KLHL1: variants seen among roughly 807,000 people sequenced by gnomAD.
The protein encoded by KLHL1 is kelch-like protein 1.
In KLHL1, 47 loss-of-function variants were observed where a neutral mutation model predicts 77.7. That is an observed-to-expected ratio of 0.60 (90% CI 0.48 to 0.77). KLHL1 has a LOEUF of 0.77. Ranked by LOEUF, KLHL1 falls within the 30% of genes least tolerant of loss-of-function variation. The pLI, the probability that KLHL1 is intolerant of heterozygous loss-of-function variation, is 0.00. For synonymous variants in KLHL1, 360 were observed against 325.2 expected, an observed-to-expected ratio of 1.11 and a Z score of -1.15; for missense variants, 925 against 910.8, an observed-to-expected ratio of 1.02 and a Z score of -0.20.
intron 4 of KLHL1, among the ~76,000 whole-genome samples, chr13:69,885,130 C>T (rs1359339743): frequency 1.4e-5 from 2 of 138,232 alleles, no homozygotes; most frequent in African/African-American, 3.1e-5. Context: ...TTAGTAGAGA[C>T]GGGGTTTCAC....
At chr13:69,727,501 G>A (rs891451279) in intron 8 of KLHL1, among the ~76,000 whole-genome samples, 6 of 152,070 alleles carry the variant, frequency 3.9e-5, no homozygotes, top group African/African-American at 1.4e-4. Context: ...GTAGGTTCAG[G>A]GAGCTGGAAT....
At chr13:70,063,380 T>G (rs1886935564) in intron 1 of KLHL1, among the ~76,000 whole-genome samples, 1 of 152,174 alleles carries the variant, frequency 6.6e-6, no homozygotes, top group Non-Finnish European at 1.5e-5. Context: ...CAATTACAGC[T>G]TTTACAGATT....
chr13:69,872,812 T>G (rs1417081728), intron 5 of KLHL1, among the ~76,000 whole-genome samples: 3 of 152,174 alleles, frequency 2.0e-5, no homozygotes, highest in African/African-American at 7.2e-5. Flanking sequence ...CTTGTGTAAC[T>G]AATAGAGTGG....
chr13:69,910,027 C>A (rs1882184075), intron 4 of KLHL1, among the ~76,000 whole-genome samples: 1 of 151,956 alleles, frequency 6.6e-6, no homozygotes, highest in African/African-American at 2.4e-5. Flanking sequence ...TTGTCATATT[C>A]CACTTCGCTA....
intron 1 of KLHL1, among the ~76,000 whole-genome samples, chr13:70,012,856 T>C (rs1885570045): frequency 1.3e-5 from 2 of 151,400 alleles, no homozygotes; most frequent in African/African-American, 4.9e-5. Flanking sequence ...TGAGGTGAGA[T>C]CTCGCCCCTG....
In KLHL1 at chr13:69,796,881, A is replaced by G; in HGVS notation, c.1496T>C (p.Phe499Ser). Residue 499 changes from phenylalanine (F) to serine (S), a missense_variant, in exon 7 of 11, where the codon TTT (phenylalanine) becomes TCT (serine). Coordinates refer to ENST00000377844, the MANE Select transcript of KLHL1 (RefSeq NM_020866.3). ...TTTGTCATCAATAACAGCCACACCA[A>G]ACTGCAGCCTTCTGCCATTCATCAT... ...AGMMNGRRLQFGVAVIDDKLF... is the reference protein window; with the variant it reads ...AGMMNGRRLQSGVAVIDDKLF... 1 of 1,614,120 alleles carries G rather than the reference A, an allele frequency of 6.2e-7. No individual in the cohort carries two copies.
chr13:70,092,362 T>C (rs1887689067), intron 1 of KLHL1, among the ~76,000 whole-genome samples: 1 of 152,178 alleles, frequency 6.6e-6, no homozygotes, highest in African/African-American at 2.4e-5. Flanking sequence ...TTGTTCATGT[T>C]GCTTACTCCA....
chr13:69,979,759 A>T (rs1258632020), intron 1 of KLHL1, among the ~76,000 whole-genome samples: 1 of 152,190 alleles, frequency 6.6e-6, no homozygotes, highest in African/African-American at 2.4e-5. Context: ...AAAGTACAAT[A>T]TGACTTTTTA....
At chr13:70,009,652 G>A (rs1044508129) in intron 1 of KLHL1, among the ~76,000 whole-genome samples, 2 of 152,142 alleles carry the variant, frequency 1.3e-5, no homozygotes, top group African/African-American at 2.4e-5. Context: ...ATATGTAAAT[G>A]TGGTCAAGAC....
chr13:69,790,718 A>G (rs896755288), intron 7 of KLHL1, among the ~76,000 whole-genome samples: 6 of 152,196 alleles, frequency 3.9e-5, no homozygotes, highest in Non-Finnish European at 8.8e-5. Context: ...TTCAATAGAT[A>G]CAGGAAAATC....
intron 6 of KLHL1, among the ~76,000 whole-genome samples, chr13:69,810,427 C>G (rs1273675168): frequency 1.3e-5 from 2 of 151,652 alleles, no homozygotes; most frequent in Non-Finnish European, 2.9e-5. Flanking sequence ...AACAACTTGC[C>G]CCTGAATGAC....
intron 5 of KLHL1, among the ~76,000 whole-genome samples, chr13:69,880,510 G>T (rs952899453): frequency 5.9e-5 from 9 of 152,032 alleles, no homozygotes; most frequent in African/African-American, 1.4e-4. Flanking sequence ...GACATCAAAA[G>T]AATATTTTAT....
chr13:69,991,980 A>G (rs1397872999), intron 1 of KLHL1, among the ~76,000 whole-genome samples: 2 of 152,028 alleles, frequency 1.3e-5, no homozygotes, highest in Non-Finnish European at 2.9e-5. Context: ...CTGAACATCA[A>G]CATCAGCTGT....
intron 5 of KLHL1, among the ~76,000 whole-genome samples, chr13:69,870,044 A>G (rs989859476): frequency 3.3e-5 from 5 of 152,168 alleles, no homozygotes; most frequent in African/African-American, 9.7e-5. Context: ...ATAAAAATGT[A>G]TGCTTTTAAG....
intron 5 of KLHL1, among the ~76,000 whole-genome samples, chr13:69,853,674 C>T (rs963750371): frequency 6.6e-6 from 1 of 151,966 alleles, no homozygotes; most frequent in Non-Finnish European, 1.5e-5. Context: ...TGTGATAATA[C>T]AGTAAGTTTC....
intron 9 of KLHL1, among the ~76,000 whole-genome samples, chr13:69,711,374 C>A (rs1875870639): frequency 6.6e-6 from 1 of 151,932 alleles, no homozygotes; most frequent in Non-Finnish European, 1.5e-5. Context: ...GAATGGATAG[C>A]CTGCTTCAAA....
chr13:69,995,504 A>G (rs1364015469), intron 1 of KLHL1, among the ~76,000 whole-genome samples: 1 of 152,136 alleles, frequency 6.6e-6, no homozygotes, highest in Non-Finnish European at 1.5e-5. Flanking sequence ...TCAGAAATTC[A>G]GAAGCTTCAC....
chr13:70,050,192 A>G (rs1206038503), intron 1 of KLHL1, among the ~76,000 whole-genome samples: 1 of 151,788 alleles, frequency 6.6e-6, no homozygotes, highest in Non-Finnish European at 1.5e-5. Flanking sequence ...TTTATTTTTG[A>G]TACTTTATAT....
At chr13:69,827,026 G>A (rs895124976) in intron 6 of KLHL1, among the ~76,000 whole-genome samples, 1 of 150,138 alleles carries the variant, frequency 6.7e-6, no homozygotes, top group Non-Finnish European at 1.5e-5. Flanking sequence ...GGTTCTTCAT[G>A]CTTATAATTA....
Sources: allele counts gnomAD v4.1 joint callset (sites outside exome capture counted in the v4.1 genomes callset), GRCh38; gene constraint gnomAD v4.1.1; transcripts MANE v1.5; gene names NCBI Gene and HGNC (gene_info 2026-07-23, HGNC 2026-07-21).